The following PCDH15 variants were observed in gnomAD, a reference collection of about 807,000 sequenced individuals.
The protein encoded by PCDH15 is protocadherin related 15.
In PCDH15, 129 loss-of-function variants were observed where a neutral mutation model predicts 178.5. The ratio of observed to expected loss-of-function variants is 0.72; its 90% CI spans 0.63 to 0.84. PCDH15 has a LOEUF of 0.84. PCDH15 is among the 40% of genes least tolerant of loss of function. The pLI is 0.00. For missense variants in PCDH15, 2,230 were observed against 2,099.9 expected, an observed-to-expected ratio of 1.06 and a Z score of -1.21; for synonymous variants, 800 against 732.0, an observed-to-expected ratio of 1.09 and a Z score of -1.50.
intron 1 of PCDH15, among the ~76,000 whole-genome samples, chr10:54,736,972 C>T (rs1406224004): frequency 3.3e-5 from 5 of 151,990 alleles, no homozygotes; most frequent in African/African-American, 9.7e-5. Context: ...AATCATAGGC[C>T]AGCTTCTGTT....
At chr10:54,614,580 G>A (rs2093069157) in intron 2 of PCDH15, among the ~76,000 whole-genome samples, 1 of 151,950 alleles carries the variant, frequency 6.6e-6, no homozygotes, top group South Asian at 2.1e-4. Context: ...AATTGTATTT[G>A]TACCATCTGA....
intron 2 of PCDH15, among the ~76,000 whole-genome samples, chr10:55,393,227 G>T (rs1298341487): frequency 2.6e-5 from 4 of 152,024 alleles, no homozygotes; most frequent in Non-Finnish European, 5.9e-5. Context: ...TAAGATCACT[G>T]ATTGCTAGGT....
At chr10:55,003,892 G>A (rs560496826) in intron 2 of PCDH15, among the ~76,000 whole-genome samples, 1 of 152,048 alleles carries the variant, frequency 6.6e-6, no homozygotes, top group East Asian at 1.9e-4. Flanking sequence ...CTCAAGTTGG[G>A]GCCTGGAGAA....
rs1423227264 is a variant in PCDH15 at position 54,770,508 on chromosome 10, A to G, written c.-29+30417T>C. Reference sequence around the variant, plus strand: ...TCAGAAAGTACATCCAACTATGTTAAAGTGTTCATTTTAGTTCAACGATAC... The same window carrying G: ...TCAGAAAGTACATCCAACTATGTTAGAGTGTTCATTTTAGTTCAACGATAC... On this transcript the variant is annotated intron_variant, in intron 1 of 37. Coordinates refer to ENST00000644397, the MANE Select transcript of PCDH15 (RefSeq NM_001384140.1). Among the ~76,000 whole-genome samples the G allele has an allele frequency of 4.6e-5, 7 of 152,204 alleles. 1 individual carries two copies. In the East Asian group the frequency reaches 1.4e-3, roughly 29 times the overall value.
chr10:53,880,778 A>G (rs1344582398), intron 26 of PCDH15, among the ~76,000 whole-genome samples: 2 of 152,178 alleles, frequency 1.3e-5, no homozygotes, highest in African/African-American at 4.8e-5. Flanking sequence ...TATTGTTATA[A>G]TGACACTAAT....
intron 1 of PCDH15, among the ~76,000 whole-genome samples, chr10:54,768,370 C>T (rs1381416956): frequency 2.6e-5 from 4 of 152,206 alleles, no homozygotes; most frequent in African/African-American, 7.2e-5. Flanking sequence ...CTCTGTTGTC[C>T]GTTGATTTAC....
chr10:55,481,733 T>C (rs1840185032), intron 2 of PCDH15, among the ~76,000 whole-genome samples: 1 of 151,846 alleles, frequency 6.6e-6, no homozygotes, highest in Non-Finnish European at 1.5e-5. Context: ...TTGCATTTGC[T>C]GAGGAGTGTT....
intron 1 of PCDH15, among the ~76,000 whole-genome samples, chr10:55,253,542 T>C (rs1166077854): frequency 1.3e-5 from 2 of 152,188 alleles, no homozygotes; most frequent in African/African-American, 4.8e-5. Flanking sequence ...ATTGAGAATG[T>C]AACTTTACTA....
intron 2 of PCDH15, among the ~76,000 whole-genome samples, chr10:54,999,147 A>T (rs1022785807): frequency 3.3e-5 from 5 of 152,094 alleles, no homozygotes; most frequent in Non-Finnish European, 7.4e-5. Flanking sequence ...GAAACAATTC[A>T]TCATTTGTTC....
chr10:55,018,910 T>C (rs760605188), intron 2 of PCDH15, among the ~76,000 whole-genome samples: 7 of 152,118 alleles, frequency 4.6e-5, no homozygotes, highest in Admixed American at 6.6e-5. Flanking sequence ...TAGAATATAA[T>C]ACATGGCATA....
intron 1 of PCDH15, among the ~76,000 whole-genome samples, chr10:55,298,593 A>ATT (rs71461290): frequency 2.7e-5 from 4 of 148,464 alleles, no homozygotes; most frequent in Non-Finnish European, 4.5e-5. Context: ...TTATTTATTT[A>ATT]TTTTTTTTTT....
At chr10:54,440,620 T>C (rs1589423878) in intron 3 of PCDH15, among the ~76,000 whole-genome samples, 2 of 151,944 alleles carry the variant, frequency 1.3e-5, no homozygotes, top group East Asian at 1.9e-4. Flanking sequence ...ACCATACATG[T>C]TTATTAGAAA....
At chr10:53,955,331 G>T (rs1028156574) in intron 23 of PCDH15, among the ~76,000 whole-genome samples, 2 of 152,072 alleles carry the variant, frequency 1.3e-5, no homozygotes, top group African/African-American at 4.8e-5. Context: ...CTATTACAGT[G>T]ACCTAAACTA....
intron 13 of PCDH15, among the ~76,000 whole-genome samples, chr10:54,174,301 G>T (rs1405658501): frequency 6.6e-6 from 1 of 152,042 alleles, no homozygotes; most frequent in Non-Finnish European, 1.5e-5. Context: ...GGGAGGCCGA[G>T]GCAGGCAGAT....
chr10:54,035,430 T>C (rs2093393887), intron 18 of PCDH15, among the ~76,000 whole-genome samples: 1 of 151,930 alleles, frequency 6.6e-6, no homozygotes, highest in Non-Finnish European at 1.5e-5. Context: ...CTGGATCTGT[T>C]ATGGTGATCT....
intron 3 of PCDH15, among the ~76,000 whole-genome samples, chr10:54,384,723 G>GT (rs1820267899): frequency 6.6e-6 from 1 of 152,038 alleles, no homozygotes; most frequent in Admixed American, 6.5e-5. Flanking sequence ...ACAAATTAAA[G>GT]TTTTTTCCCT....
At chr10:54,143,084 G>T (rs1412477732) in intron 14 of PCDH15, among the ~76,000 whole-genome samples, 1 of 152,022 alleles carries the variant, frequency 6.6e-6, no homozygotes, top group Non-Finnish European at 1.5e-5. Flanking sequence ...GATATTAGTT[G>T]CCCTGAAGTT....
intron 3 of PCDH15, among the ~76,000 whole-genome samples, chr10:54,451,842 T>G (rs2076501436): frequency 6.6e-6 from 1 of 151,972 alleles, no homozygotes; most frequent in African/African-American, 2.4e-5. Flanking sequence ...ATTATGCAAC[T>G]TTTTGTAAGT....
chr10:54,709,952 T>TTTATATGTAATA (rs2095411715), intron 1 of PCDH15, among the ~76,000 whole-genome samples: 1 of 148,128 alleles, frequency 6.8e-6, no homozygotes, highest in Admixed American at 6.8e-5. Flanking sequence ...TATATATATA[T>TTTATATGTAATA]TACATATTTA....
Sources: allele counts gnomAD v4.1 joint callset (sites outside exome capture counted in the v4.1 genomes callset), GRCh38; gene constraint gnomAD v4.1.1; transcripts MANE v1.5; gene names NCBI Gene and HGNC (gene_info 2026-07-23, HGNC 2026-07-21).